UBXN2B: variants seen among roughly 807,000 people sequenced by gnomAD.
UBXN2B encodes the protein UBX domain protein 2B, also known as UBX domain-containing protein 2B.
Under a neutral mutation model 37.5 loss-of-function variants are expected in UBXN2B, and 19 were observed. The ratio of observed to expected loss-of-function variants is 0.51; its 90% confidence interval spans 0.35 to 0.74. The LOEUF (loss-of-function observed/expected upper bound fraction) is 0.74. UBXN2B is among the 30% of genes least tolerant of loss of function. UBXN2B has a pLI of 0.01. For missense variants in UBXN2B, 370 were observed against 393.2 expected (o/e 0.94, Z 0.50); for synonymous variants, 145 against 143.8 (o/e 1.01, Z -0.06).
chr8:58,441,351 A>ATATATATATATATATGTATGTG (rs1554553161), intron 6 of UBXN2B, among the ~76,000 whole-genome samples: 5 of 76,086 alleles, frequency 6.6e-5, no homozygotes, highest in African/African-American at 1.4e-4. Context: ...TGATCAACAT[A>ATATATATATATATATGTATGTG]TATATATATA....
intron 2 of UBXN2B, chr8:58,426,477 G>A: frequency 1.4e-6 from 1 of 695,946 alleles, no homozygotes. Flanking sequence ...CAAAGTGCTG[G>A]GATTACAGGT....
chr8:58,441,348 C>CATATATATAT lies in UBXN2B; in HGVS notation c.671+1589_671+1598dup, dbSNP rs33952664. On this transcript the variant is annotated intron_variant, in intron 6 of 7. Transcript: ENST00000399598. Reference sequence around the variant, plus strand: ...TTTTTACTCCTCTTGTTGTGATCAACATATATATATATATATATATGTATG... The same window carrying CATATATATAT: ...TTTTTACTCCTCTTGTTGTGATCAACATATATATATATATATATATATATATATATGTATG... 5.4e-4 allele frequency among the ~76,000 whole-genome samples: 56 copies of CATATATATAT among 104,652 alleles called. 1 individual carries two copies. The highest frequency in any genetic ancestry group is 1.8e-3 in the African/African-American group (44 of 25,010). The allele number at this position is 104,652 out of a possible 152,430, so 68.7% of individuals were successfully genotyped here. A position where few individuals can be genotyped will look rare whatever the true frequency, so the allele number is the denominator to read the frequency against.
In UBXN2B at chr8:58,449,293, T is replaced by A. The variant is rs1403145320; in HGVS notation, c.*1742T>A. ...TACATGGAACATTATTCTTGCCTACTACAGTTCCCACCCACCCCCCGCTCC... is the reference window on the plus strand; with the variant it reads ...TACATGGAACATTATTCTTGCCTACAACAGTTCCCACCCACCCCCCGCTCC... On this transcript the variant is annotated 3_prime_UTR_variant, in exon 8 of 8. Transcript: ENST00000399598. 2 of 152,208 alleles carry A rather than the reference T, an allele frequency of 1.3e-5. No individual in the cohort carries two copies. The allele number at this position is 152,208 out of a possible 1,614,324, so 9.4% of individuals were successfully genotyped here.
At position 58,434,441 on chromosome 8, in the gene UBXN2B, A is replaced by T; in HGVS notation, c.470A>T (p.Asp157Val). 2 of 1,548,080 alleles carry T rather than the reference A, an allele frequency of 1.3e-6. No individual in the cohort carries two copies. Among genetic ancestry groups the T allele is most frequent in the Non-Finnish European group, 1.7e-6 (2 of 1,148,064 alleles). ...KLWSNGFSLDDGELRPYNEPT... is the reference protein window; with the variant it reads ...KLWSNGFSLDVGELRPYNEPT... ...TGGAGCAATGGTTTCAGTTTAGATG[A>T]TGGAGAATTGAGACCTTACAATGAA... is the stretch of plus-strand genomic sequence containing the variant. The change falls in exon 5 of 8, where the codon GAT (aspartate) becomes GTT (valine). Residue 157 changes from aspartate (D) to valine (V), a missense_variant. Transcript: ENST00000399598.
chr8:58,433,834 G>A (rs557228197), intron 4 of UBXN2B, among the ~76,000 whole-genome samples: 45 of 152,024 alleles, frequency 3.0e-4, no homozygotes, highest in Non-Finnish European at 5.4e-4. Context: ...ATTATAAATG[G>A]TATATTTTCA....
At position 58,435,777 on chromosome 8, in the gene UBXN2B, A is replaced by G. The variant is rs563192890; in HGVS notation, c.533+1273A>G. 1.3e-3 allele frequency among the ~76,000 whole-genome samples: 198 copies of G among 152,344 alleles called. 1 individual carries two copies. The highest frequency in any genetic ancestry group is 0.01 in the Middle Eastern group (3 of 294). On this transcript the variant is annotated intron_variant, in intron 5 of 7. Coordinates refer to ENST00000399598, the MANE Select transcript of UBXN2B (RefSeq NM_001077619.2). ...AGAATTTTAAAATTTGAGCCACACC[A>G]TATCTGCAATAATGTACAAATTATG...
chr8:58,438,086 G>A (rs539240748), intron 5 of UBXN2B, among the ~76,000 whole-genome samples: 18 of 152,074 alleles, frequency 1.2e-4, no homozygotes, highest in Admixed American at 3.3e-4. Context: ...ATCTCCAGCC[G>A]CAGCTCAAAA....
intron 2 of UBXN2B, among the ~76,000 whole-genome samples, chr8:58,420,235 T>C (rs1351906288): frequency 6.6e-6 from 1 of 152,232 alleles, no homozygotes; most frequent in East Asian, 1.9e-4. Context: ...TTTACTCTGA[T>C]AATACAGCTT....
intron 6 of UBXN2B, among the ~76,000 whole-genome samples, chr8:58,442,029 G>A (rs1808563478): frequency 6.6e-6 from 1 of 152,122 alleles, no homozygotes; most frequent in Non-Finnish European, 1.5e-5. Flanking sequence ...CATGAAACTA[G>A]GGACTAGATA....
intron 2 of UBXN2B, chr8:58,426,188 C>G: frequency 1.4e-6 from 1 of 714,482 alleles, no homozygotes; most frequent in Admixed American, 2.1e-5. Context: ...ACAGTAATCA[C>G]CAGTGTTCTG....
intron 3 of UBXN2B, among the ~76,000 whole-genome samples, chr8:58,431,154 A>C (rs774831914): frequency 6.6e-6 from 1 of 152,144 alleles, no homozygotes; most frequent in Non-Finnish European, 1.5e-5. Context: ...AGCCAATACC[A>C]GTCGGGTTTT....
intron 1 of UBXN2B, chr8:58,413,364 G>T (rs981043170): frequency 6.6e-6 from 1 of 152,154 alleles, no homozygotes; most frequent in African/African-American, 2.4e-5. Context: ...GGCATATCAA[G>T]AAATAAAGTA....
At chr8:58,422,679 A>C (rs1231660987) in intron 2 of UBXN2B, among the ~76,000 whole-genome samples, 1 of 152,218 alleles carries the variant, frequency 6.6e-6, no homozygotes, top group Non-Finnish European at 1.5e-5. Flanking sequence ...ACATTTCCCA[A>C]GTCTGGGAGT....
chr8:58,447,422 T>A lies in UBXN2B; in HGVS notation c.867T>A (p.Ser289=). The change falls in exon 8 of 8, where the codon TCT becomes TCA. Residue 289 remains serine, a synonymous_variant. Transcript: ENST00000399598. ...ATGTCCGGAACTTTATTGTACAGTC[T>A]CGTCCTGAATTTGCGGCTCTTGACT... The part of the protein sequence containing the change: ...ILDVRNFIVQ[S]RPEFAALDFI... 1 of 1,612,166 alleles carries A rather than the reference T, an allele frequency of 6.2e-7. No homozygotes were observed. Among genetic ancestry groups the A allele is most frequent in the Non-Finnish European group, 8.5e-7 (1 of 1,179,066 alleles).
Position 58,447,340 on chromosome 8 carries a change from G to A in UBXN2B, c.834-49G>A, listed in dbSNP as rs762576272. 1.6e-5 allele frequency: 23 copies of A among 1,477,618 alleles called. No individual in the cohort carries two copies. The African/African-American group carries it at 3.1e-4, about 20-fold the overall frequency. The allele number at this position is 1,477,618 out of a possible 1,614,324, so 91.5% of individuals were successfully genotyped here. ...TTATGATTCAGTTTTAAGTTTACAT[G>A]AAAATATGATTTTTTATATTACAAA... On this transcript the variant is annotated intron_variant, in intron 7 of 7. Transcript: ENST00000399598.
chr8:58,430,281 T>C (rs1808239935), intron 2 of UBXN2B, among the ~76,000 whole-genome samples: 1 of 152,240 alleles, frequency 6.6e-6, no homozygotes, highest in South Asian at 2.1e-4. Flanking sequence ...CCAGTTGCCG[T>C]GCTGGAGGCT....
chr8:58,411,401 G>C lies in UBXN2B; in HGVS notation c.16G>C (p.Gly6Arg). 1 of 1,269,138 alleles carries C rather than the reference G, an allele frequency of 7.9e-7. No individual in the cohort carries two copies. The highest frequency in any genetic ancestry group is 3.1e-5 in the East Asian group (1 of 31,790). The allele number at this position is 1,269,138 out of a possible 1,614,324, so 78.6% of individuals were successfully genotyped here. A position where few individuals can be genotyped will look rare whatever the true frequency, so the allele number is the denominator to read the frequency against. Reference protein sequence around the residue: MAEGGGPEPGEQERRS... With the variant: MAEGGRPEPGEQERRS... ...CCAGCGGAAGATGGCGGAGGGCGGA[G>C]GCCCTGAGCCCGGCGAGCAGGAGAG... The change falls in exon 1 of 8, where the codon GGC becomes CGC. Residue 6 changes from glycine to arginine, a missense_variant. Around this residue, in one of 3 missense-constraint regions of UBXN2B, gnomAD observed 197 missense variants for 170.2 expected, o/e 1.16. Coordinates refer to ENST00000399598, the MANE Select transcript of UBXN2B (RefSeq NM_001077619.2).
chr8:58,431,309 T>C (rs547775207), intron 3 of UBXN2B, among the ~76,000 whole-genome samples: 17 of 152,326 alleles, frequency 1.1e-4, no homozygotes, highest in Admixed American at 2.6e-4. Context: ...TACAGTGTTA[T>C]ACAAATGGAG....
At chr8:58,433,778 A>G (rs902281760) in intron 4 of UBXN2B, among the ~76,000 whole-genome samples, 1 of 151,562 alleles carries the variant, frequency 6.6e-6, no homozygotes, top group South Asian at 2.1e-4. Context: ...TCTTTAAGAT[A>G]AAAAAATCAA....
Sources: allele counts gnomAD v4.1 joint callset (sites outside exome capture counted in the v4.1 genomes callset), GRCh38; gene constraint gnomAD v4.1.1; regional missense constraint gnomAD v4.1.1; transcripts MANE v1.5; gene names NCBI Gene and HGNC (gene_info 2026-07-23, HGNC 2026-07-21).